Variants in TMC6 observed in about 807,000 individuals in gnomAD.
TMC6 encodes transmembrane channel like 6.
TMC6 carries 71 observed loss-of-function variants against 95.4 expected under a neutral mutation model. The observed-to-expected ratio is 0.74, with a 90% CI of 0.61 to 0.91. The LOEUF (loss-of-function observed/expected upper bound fraction) is 0.91, where lower values mean the gene tolerates loss of function less well. Among genes scored for constraint, TMC6 ranks in the 40% least tolerant of loss-of-function variants. The pLI is 0.00. For synonymous variants in TMC6, 514 were observed against 483.1 expected (o/e 1.06, Z -0.84); for missense variants, 1,074 against 1,079.1 (o/e 1.00, Z 0.07).
At position 78,113,047 on chromosome 17, in the gene TMC6, C is replaced by A; in HGVS notation, c.*101G>T. 7.0e-7 allele frequency: 1 copy of A among 1,431,436 alleles called. No homozygotes were observed. Among genetic ancestry groups the A allele is most frequent in the Non-Finnish European group, 9.6e-7 (1 of 1,042,316 alleles). 88.7% of individuals were successfully genotyped at this position (1,431,436 alleles called of 1,614,324 possible). ...AGGCGCAGCTGCGGCTTTCGAGAGG[C>A]GAAACTGTCTTCCTTGTCCTGGTGT... On this transcript the variant is annotated 3_prime_UTR_variant, in exon 20 of 20. Transcript: ENST00000590602.
At position 78,117,334 on chromosome 17, in the gene TMC6, G is replaced by A; in HGVS notation, c.2212C>T (p.Leu738Phe). The change falls in exon 18 of 20, where the codon CTC (leucine) becomes TTC (phenylalanine). Residue 738 changes from leucine (L) to phenylalanine (F), a missense_variant. Leu to Phe is a conservative substitution (Grantham distance 22). Coordinates refer to ENST00000590602, the MANE Select transcript of TMC6 (RefSeq NM_001127198.5). Reference protein sequence around the residue: ...VSALLLAVIYLNIQVVRGQRK... With the variant: ...VSALLLAVIYFNIQVVRGQRK... ...TGGCCCCGCACCACCTGGATGTTGAGGTAGATCACGGCCCTGCGGGAGAGG... is the reference window on the plus strand; with the variant it reads ...TGGCCCCGCACCACCTGGATGTTGAAGTAGATCACGGCCCTGCGGGAGAGG... 6.2e-7 allele frequency: 1 copy of A among 1,613,448 alleles called. No individual in the cohort carries two copies.
chr17:78,129,302 G>A (rs2145507848), upstream of TMC6, among the ~76,000 whole-genome samples: 1 of 152,290 alleles, frequency 6.6e-6, no homozygotes, highest in South Asian at 2.1e-4. The surrounding 1 kb of genome is among the most constrained non-coding windows in gnomAD (Gnocchi z 4.3). Flanking sequence ...TGACACTTAG[G>A]TGACTGTCCC....
upstream of TMC6, chr17:78,132,091 G>T: frequency 6.5e-7 from 1 of 1,533,572 alleles, no homozygotes; most frequent in South Asian, 1.2e-5. Flanking sequence ...GCCCAGATCG[G>T]AAAAAGGAGA....
chr17:78,122,635 G>T lies in TMC6; in HGVS notation c.1197C>A (p.Leu399=). 4.3e-6 allele frequency: 7 copies of T among 1,611,938 alleles called. No homozygotes were observed. Among genetic ancestry groups the T allele is most frequent in the Non-Finnish European group, 5.9e-6 (7 of 1,179,898 alleles). The change falls in exon 10 of 20, where the codon CTC becomes CTA. Residue 399 remains leucine (L), a synonymous_variant. Coordinates refer to ENST00000590602, the MANE Select transcript of TMC6 (RefSeq NM_001127198.5). The surrounding 1 kb of genome is among the most constrained non-coding windows in gnomAD (Gnocchi z 4.9). ...GCCGGGTGCGAATATTGTCCTGCTGGAGGCGGGAGGCCCGCTTCTGCGTCA... is the reference window on the plus strand; with the variant it reads ...GCCGGGTGCGAATATTGTCCTGCTGTAGGCGGGAGGCCCGCTTCTGCGTCA... The part of the protein sequence containing the change: ...YKVTQKRASR[L]QQDNIRTRLK...
chr17:78,115,323 G>GC (rs1289191347), intron 18 of TMC6, among the ~76,000 whole-genome samples: 4 of 152,166 alleles, frequency 2.6e-5, no homozygotes, highest in African/African-American at 4.8e-5. Flanking sequence ...CCCCACAAGC[G>GC]CCCCCCTAGC....
At chr17:78,124,429 TG>T in intron 8 of TMC6, 94 bp downstream of exon 8, 3 of 1,574,110 alleles carry the variant, frequency 1.9e-6, no homozygotes, top group Non-Finnish European at 2.6e-6. Flanking sequence ...GGGCAAGGGT[TG>T]GGGGCCCCAG....
rs1404080023 is a variant in TMC6, at chr17:78,126,511, GGCCTGA to G, written c.181+7_181+12del. On this transcript the variant is annotated splice_region_variant and intron_variant, in intron 3 of 19. Coordinates refer to ENST00000590602, the MANE Select transcript of TMC6 (RefSeq NM_001127198.5). Reference sequence around the variant, plus strand: ...CTTGGTCCACACCACCCAGCATCCAGGCCTGAGCTCACCTGTCACCTCCCGCTCTCT... The same window carrying G: ...CTTGGTCCACACCACCCAGCATCCAGGCTCACCTGTCACCTCCCGCTCTCT... The G allele has an allele frequency of 6.2e-7, 1 of 1,612,948 alleles. No homozygotes were observed. Among genetic ancestry groups the G allele is most frequent in the Admixed American group, 1.7e-5 (1 of 60,004 alleles).
At chr17:78,117,420 C>T in intron 17 of TMC6, 48 bp downstream of exon 17, 1 of 1,611,224 alleles carries the variant, frequency 6.2e-7, no homozygotes, top group Non-Finnish European at 8.5e-7. Flanking sequence ...ACGGTGCAGG[C>T]CCAGCGAGGG....
chr17:78,122,469 C>A lies in TMC6; in HGVS notation c.1227+136G>T, dbSNP rs748474469. On this transcript the variant is annotated intron_variant, in intron 10 of 19. Transcript: ENST00000590602. This position sits in a 1 kb window ranked among gnomAD's most constrained non-coding sequence, Gnocchi z 4.9. ...ACTGCAAGCAGAAGACCACGCCTGC[C>A]CAGCGCCCCGAGTTCAGCTCACGGA... is the stretch of plus-strand genomic sequence containing the variant. The A allele has an allele frequency of 5.3e-5, 72 of 1,350,462 alleles. No individual in the cohort carries two copies. The highest frequency in any genetic ancestry group is 7.1e-5 in the Non-Finnish European group (71 of 997,640). 83.7% of individuals were successfully genotyped at this position (1,350,462 alleles called of 1,614,324 possible). A position where few individuals can be genotyped will look rare whatever the true frequency, so the allele number is the denominator to read the frequency against.
intron 17 of TMC6, 57 bp from the exon 18 acceptor site, chr17:78,117,404 C>T: frequency 6.2e-7 from 1 of 1,612,092 alleles, no homozygotes. Context: ...AGCGGCCAGT[C>T]CCCACACGGT....
chr17:78,116,773 G>A (rs1053024981), intron 18 of TMC6, among the ~76,000 whole-genome samples: 10 of 152,250 alleles, frequency 6.6e-5, no homozygotes, highest in East Asian at 1.9e-4. Context: ...CCAGCTACTC[G>A]GGAGGCTGAG....
Position 78,122,768 on chromosome 17 carries a change from A to G in TMC6, c.1083-19T>C. ...AGCCATGCTGGGGAGAAGCAGACAC[A>G]GACATGGCAACCAACAAGCTGACGG... On this transcript the variant is annotated intron_variant, in intron 9 of 19. Transcript: ENST00000590602. The surrounding 1 kb of genome is among the most constrained non-coding windows in gnomAD (Gnocchi z 4.9). 6.2e-7 allele frequency: 1 copy of G among 1,606,258 alleles called. No homozygotes were observed. Among genetic ancestry groups the G allele is most frequent in the South Asian group, 1.1e-5 (1 of 90,388 alleles).
At chr17:78,116,238 A>G (rs2074104402) in intron 18 of TMC6, among the ~76,000 whole-genome samples, 1 of 150,506 alleles carries the variant, frequency 6.6e-6, no homozygotes, top group African/African-American at 2.5e-5. Flanking sequence ...CGGCCTCCCA[A>G]AGTGCTGGGA....
At position 78,109,785 on chromosome 17, in the gene TMC6, G is replaced by A. The variant is rs34684892; in HGVS notation, c.*3363C>T. 5.2e-3 allele frequency: 1,802 copies of A among 346,276 alleles called. 23 individuals are homozygous for A. Among genetic ancestry groups the A allele is most frequent in the Non-Finnish European group, 5.3e-3 (920 of 174,604 alleles). The allele number at this position is 346,276 out of a possible 1,614,324, so 21.5% of individuals were successfully genotyped here. A position where few individuals can be genotyped will look rare whatever the true frequency, so the allele number is the denominator to read the frequency against. On this transcript the variant is annotated 3_prime_UTR_variant, in exon 20 of 20. Transcript: ENST00000590602. ...AAAATTTTTAAGATAATTCACATCCGGCCAGGCATGGTGGCTCATGCCTGT... is the reference window on the plus strand; with the variant it reads ...AAAATTTTTAAGATAATTCACATCCAGCCAGGCATGGTGGCTCATGCCTGT...
chr17:78,124,741 TGCAGGGCGGAGA>T lies in TMC6; in HGVS notation c.662_673del (p.Leu221_Leu224del), dbSNP rs1410018147. The T allele has an allele frequency of 3.8e-6, 6 of 1,586,908 alleles. No homozygotes were observed. Among genetic ancestry groups the T allele is most frequent in the Non-Finnish European group, 5.1e-6 (6 of 1,167,250 alleles). Reference sequence around the variant, plus strand: ...GGCGTAGCGCCACGGCATCAGGGCCTGCAGGGCGGAGAGCAGCGCCAGGCCCAGGCTGTGCAA... The same window carrying T: ...GGCGTAGCGCCACGGCATCAGGGCCTGCAGCGCCAGGCCCAGGCTGTGCAA... On this transcript the variant is annotated inframe_deletion, in exon 8 of 20. Coordinates refer to ENST00000590602, the MANE Select transcript of TMC6 (RefSeq NM_001127198.5).
rs908739073 is a variant in TMC6, at chr17:78,122,935, A to T, written c.1083-186T>A. On this transcript the variant is annotated intron_variant, in intron 9 of 19. Coordinates refer to ENST00000590602, the MANE Select transcript of TMC6 (RefSeq NM_001127198.5). The surrounding 1 kb of genome is among the most constrained non-coding windows in gnomAD (Gnocchi z 4.9). ...GCCCTCTACACCAGTCTCATCCAAC[A>T]TAGCACCCACCAGCCACATCTGCCT... 1.7e-5 allele frequency: 13 copies of T among 761,170 alleles called. No homozygotes were observed. Among genetic ancestry groups the T allele is most frequent in the Non-Finnish European group, 2.4e-5 (11 of 460,230 alleles). The allele number at this position is 761,170 out of a possible 1,614,324, so 47.2% of individuals were successfully genotyped here. A position where few individuals can be genotyped will look rare whatever the true frequency, so the allele number is the denominator to read the frequency against.
At chr17:78,126,033 G>C in intron 4 of TMC6, 149 bp from the exon 5 acceptor site, 1 of 1,254,662 alleles carries the variant, frequency 8.0e-7, no homozygotes, top group Non-Finnish European at 1.1e-6. Context: ...ACTGCATTCC[G>C]AAAGCCTATT....
At chr17:78,118,610 T>C (rs1460642017) in intron 15 of TMC6, among the ~76,000 whole-genome samples, 1 of 152,168 alleles carries the variant, frequency 6.6e-6, no homozygotes, top group Non-Finnish European at 1.5e-5. Flanking sequence ...AAGGTCCCAG[T>C]TCTCAGCCAC....
At chr17:78,131,755 G>T (rs367591631), upstream of TMC6, 70 of 1,570,420 alleles carry the variant, frequency 4.5e-5, no homozygotes, top group Admixed American at 5.5e-5. Context: ...CCACGCGGGC[G>T]CCAGACGGTG....
Sources: gnomAD v4.1 joint callset for allele counts (sites outside exome capture counted in the v4.1 genomes callset) on GRCh38, gnomAD v4.1.1 for gene constraint, Gnocchi (gnomAD v3.1) non-coding constraint, MANE v1.5 for transcripts, NCBI Gene and HGNC (gene_info 2026-07-23, HGNC 2026-07-21) for gene names.